MAP2: variants seen among roughly 807,000 people sequenced by gnomAD.
MAP2 encodes the protein microtubule associated protein 2, also known as microtubule-associated protein 2.
Under a neutral mutation model 137.6 loss-of-function variants are expected in MAP2, and 14 were observed. That is an observed-to-expected ratio of 0.10 (90% CI 0.07 to 0.16). MAP2 has a LOEUF of 0.16. MAP2 is among the 10% of genes least tolerant of loss of function. The pLI is 1.00. For synonymous variants in MAP2, 786 were observed against 782.3 expected, an observed-to-expected ratio of 1.00 and a Z score of -0.08; for missense variants, 2,088 against 2,191.5, an observed-to-expected ratio of 0.95 and a Z score of 0.94.
At chr2:209,557,782 A>G (rs2071027660) in intron 2 of MAP2, among the ~76,000 whole-genome samples, 1 of 152,210 alleles carries the variant, frequency 6.6e-6, no homozygotes, top group Admixed American at 6.5e-5. Context: ...GCTCAAGTCC[A>G]TGAGCAGTGT....
chr2:209,705,797 T>A (rs1346663066), intron 12 of MAP2, 70 bp downstream of exon 12: 1 of 1,229,476 alleles, frequency 8.1e-7, no homozygotes, highest in East Asian at 2.4e-5. Flanking sequence ...AGCACTTATA[T>A]TTATATTTTA....
At chr2:209,724,063 C>T (rs1378843429) in intron 13 of MAP2, among the ~76,000 whole-genome samples, 1 of 152,150 alleles carries the variant, frequency 6.6e-6, no homozygotes, top group Non-Finnish European at 1.5e-5. Context: ...TTTTCTAGCT[C>T]CATTTAAATT....
At chr2:209,668,315 A>G (rs2047233369) in intron 5 of MAP2, among the ~76,000 whole-genome samples, 1 of 152,052 alleles carries the variant, frequency 6.6e-6, no homozygotes, top group Non-Finnish European at 1.5e-5. Flanking sequence ...ACATGAATAA[A>G]CAACATTGAA....
chr2:209,670,119 A>G (rs1278027229), intron 5 of MAP2, among the ~76,000 whole-genome samples: 1 of 151,958 alleles, frequency 6.6e-6, no homozygotes, highest in East Asian at 1.9e-4. Context: ...GATTGGATTC[A>G]ATTTATTGGT....
chr2:209,528,848 G>GTACA (rs1334518194), intron 2 of MAP2, among the ~76,000 whole-genome samples: 4 of 141,028 alleles, frequency 2.8e-5, no homozygotes, highest in African/African-American at 1.1e-4. Context: ...GTATATATAT[G>GTACA]TGTGTGTGTA....
chr2:209,695,920 C>A lies in MAP2; in HGVS notation c.3750C>A (p.Phe1250Leu), dbSNP rs529670498. 1.9e-6 allele frequency: 3 copies of A among 1,614,096 alleles called. No individual in the cohort carries two copies. The Admixed American group carries it at 5.0e-5, about 27-fold the overall frequency. ...EAQGEYDKLL[F>L]RSDTLQITDL... ...AGGGAGAATATGATAAACTGCTCTT[C>A]CGCTCAGACACCCTTCAGATAACTG... The change falls in exon 8 of 16, where the codon TTC (phenylalanine) becomes TTA (leucine). Residue 1250 changes from phenylalanine (F) to leucine (L), a missense_variant. Physicochemically the swap from Phe to Leu is conservative, Grantham distance 22. This residue lies in a region of MAP2 where 591 missense variants were observed against 642.6 expected (regional missense o/e 0.92). Transcript: ENST00000682079.
intron 13 of MAP2, among the ~76,000 whole-genome samples, chr2:209,722,608 C>T (rs901042969): frequency 1.3e-5 from 2 of 151,932 alleles, no homozygotes; most frequent in African/African-American, 2.4e-5. Context: ...GACAATAACA[C>T]AAATAAAGCT....
At chr2:209,552,101 A>G (rs904820197) in intron 2 of MAP2, among the ~76,000 whole-genome samples, 5 of 152,266 alleles carry the variant, frequency 3.3e-5, no homozygotes, top group Admixed American at 1.3e-4. Flanking sequence ...AAAAGGTTGC[A>G]TAAGTGTTTA....
intron 14 of MAP2, among the ~76,000 whole-genome samples, chr2:209,728,617 T>A (rs1253807156): frequency 7.9e-5 from 12 of 152,244 alleles, no homozygotes; most frequent in Non-Finnish European, 1.6e-4. Flanking sequence ...ACCTCATGGC[T>A]TAAGAGACCG....
At chr2:209,540,488 G>A (rs1255422324) in intron 2 of MAP2, among the ~76,000 whole-genome samples, 1 of 149,884 alleles carries the variant, frequency 6.7e-6, no homozygotes, top group South Asian at 2.1e-4. Flanking sequence ...GAAAATTGCC[G>A]AGCGTGGTGG....
chr2:209,500,565 C>G (rs556472510), intron 1 of MAP2, among the ~76,000 whole-genome samples: 77 of 152,140 alleles, frequency 5.1e-4, no homozygotes, highest in Admixed American at 7.9e-4. Context: ...CCCAAAAGCC[C>G]TGTTAGTATT....
At chr2:209,704,813 T>C (rs919322508) in intron 11 of MAP2, among the ~76,000 whole-genome samples, 5 of 152,044 alleles carry the variant, frequency 3.3e-5, no homozygotes, top group Admixed American at 6.6e-5. Flanking sequence ...TTTTTAAATG[T>C]AGAAAATATG....
At chr2:209,725,047 A>G (rs961481074) in intron 13 of MAP2, among the ~76,000 whole-genome samples, 3 of 152,250 alleles carry the variant, frequency 2.0e-5, no homozygotes, top group Non-Finnish European at 2.9e-5. Context: ...CCCTGTCCTC[A>G]TGATATCTGA....
At chr2:209,434,833 CTATATATATA>C (rs869181860) in intron 1 of MAP2, among the ~76,000 whole-genome samples, 1 of 93,190 alleles carries the variant, frequency 1.1e-5, no homozygotes, top group African/African-American at 4.0e-5. Context: ...CTCTCTCTCT[CTATATATATA>C]TATATGTTAT....
Position 209,730,443 on chromosome 2 carries a change from C to T in MAP2, c.*46C>T. On this transcript the variant is annotated 3_prime_UTR_variant, in exon 16 of 16. Transcript: ENST00000682079. ...AAATAATAATATTTAGGCATGAGCT[C>T]TTGGCAGGAGTGGGCTCTGAGCAGT... 1.4e-6 allele frequency: 2 copies of T among 1,435,200 alleles called. No individual in the cohort carries two copies. The highest frequency in any genetic ancestry group is 1.2e-5 in the South Asian group (1 of 84,232). The allele number at this position is 1,435,200 out of a possible 1,614,324, so 88.9% of individuals were successfully genotyped here.
intron 5 of MAP2, among the ~76,000 whole-genome samples, chr2:209,657,776 A>G (rs2041619098): frequency 1.3e-5 from 2 of 151,958 alleles, no homozygotes; most frequent in Non-Finnish European, 1.5e-5. Context: ...ATTAAGTCCC[A>G]TTAGTCTATT....
chr2:209,444,245 C>T lies in MAP2; in HGVS notation c.-222+19969C>T, dbSNP rs571489885. Among the ~76,000 whole-genome samples the T allele has an allele frequency of 3.3e-5, 5 of 151,564 alleles. No individual in the cohort carries two copies. The East Asian group carries it at 9.7e-4, about 29-fold the overall frequency. ...TTAGAACCCCCATCTTTAATTCTTTCTCGGGGACTAAAATTTGAAATGTAT... is the reference window on the plus strand; with the variant it reads ...TTAGAACCCCCATCTTTAATTCTTTTTCGGGGACTAAAATTTGAAATGTAT... On this transcript the variant is annotated intron_variant, in intron 1 of 15. Transcript: ENST00000682079.
intron 4 of MAP2, among the ~76,000 whole-genome samples, chr2:209,652,092 G>A (rs16843360): frequency 0.18 from 27,716 of 152,084 alleles, 3,571 homozygotes; most frequent in African/African-American, 0.36. Context: ...CAATAAGGCT[G>A]CATGGTGGGC....
chr2:209,657,517 C>T (rs1405712626), intron 5 of MAP2, among the ~76,000 whole-genome samples: 2 of 151,968 alleles, frequency 1.3e-5, no homozygotes, highest in Non-Finnish European at 2.9e-5. Flanking sequence ...TTTGCATTTC[C>T]GTGATGATTA....
Sources: allele counts gnomAD v4.1 joint callset (sites outside exome capture counted in the v4.1 genomes callset), GRCh38; gene constraint gnomAD v4.1.1; regional missense constraint gnomAD v4.1.1; transcripts MANE v1.5; gene names NCBI Gene and HGNC (gene_info 2026-07-23, HGNC 2026-07-21).